Variants in SLC12A8 observed in about 807,000 individuals in gnomAD.
SLC12A8 encodes cation-chloride cotransporter 9.
SLC12A8 carries 69 observed loss-of-function variants against 75.6 expected under a neutral mutation model. The observed-to-expected ratio is 0.91, with a 90% confidence interval of 0.75 to 1.11. The LOEUF (loss-of-function observed/expected upper bound fraction) is 1.11, where lower values mean the gene tolerates loss of function less well. SLC12A8 is among the 50% of genes most tolerant of loss of function. The probability of loss-of-function intolerance (pLI) is 0.00; values close to 1 mark genes in which losing one functional copy is unlikely to be tolerated. For synonymous variants in SLC12A8, 365 were observed against 372.8 expected, an observed-to-expected ratio of 0.98 and a Z score of 0.24; for missense variants, 877 against 896.7, an observed-to-expected ratio of 0.98 and a Z score of 0.28.
intron 4 of SLC12A8, among the ~76,000 whole-genome samples, chr3:125,184,236 G>A (rs180826362): frequency 6.6e-6 from 1 of 151,840 alleles, no homozygotes; most frequent in Non-Finnish European, 1.5e-5. Flanking sequence ...CTCCCAAAGT[G>A]CTGGGATTAC....
intron 6 of SLC12A8, among the ~76,000 whole-genome samples, chr3:125,130,989 C>T (rs1933342022): frequency 6.6e-6 from 1 of 152,226 alleles, no homozygotes; most frequent in Non-Finnish European, 1.5e-5. Context: ...GCCCAGGGGT[C>T]TTCACTCAGT....
At position 125,211,281 on chromosome 3, in the gene SLC12A8, G is replaced by A. The variant is rs1323265364; in HGVS notation, c.51+18C>T. 6.2e-7 allele frequency: 1 copy of A among 1,611,126 alleles called. No individual in the cohort carries two copies. The highest frequency in any genetic ancestry group is 2.2e-5 in the East Asian group (1 of 44,870). On this transcript the variant is annotated intron_variant, in intron 2 of 13. Coordinates refer to ENST00000469902, the MANE Select transcript of SLC12A8 (RefSeq NM_024628.6). ...CTCACAGGCCTCCATCACAGACCCT[G>A]GCACATCCTGAGCCTACCTGCTGGG... is the stretch of plus-strand genomic sequence containing the variant.
chr3:125,108,079 C>T lies in SLC12A8; in HGVS notation c.1107G>A (p.Leu369=). The T allele has an allele frequency of 6.2e-7, 1 of 1,614,172 alleles. No homozygotes were observed. Among genetic ancestry groups the T allele is most frequent in the Non-Finnish European group, 8.5e-7 (1 of 1,180,022 alleles). ...TPVAAICLTS[L]VTMAFVFVGQ... Reference sequence around the variant, plus strand: ...CCACAAAAACAAAGGCCATGGTCACCAAGCTGGTCAGGCAGATGGCAGCCA... The same window carrying T: ...CCACAAAAACAAAGGCCATGGTCACTAAGCTGGTCAGGCAGATGGCAGCCA... The change falls in exon 10 of 14, where the codon TTG becomes TTA. Residue 369 remains leucine, a synonymous_variant. Transcript: ENST00000469902.
chr3:125,088,344 G>C lies in SLC12A8; in HGVS notation c.1948C>G (p.Arg650Gly), dbSNP rs199860299. 6.2e-7 allele frequency: 1 copy of C among 1,614,104 alleles called. No individual in the cohort carries two copies. The highest frequency in any genetic ancestry group is 1.1e-5 in the South Asian group (1 of 91,080). ...GGGAGCAAGAGAGACCTCATCCACC[G>C]GAAAAAGCTGAAGTTGGAGGCTGAT... ...LGSASNFSFF[R>G]WMRSLLLPSC... Residue 650 changes from arginine (R) to glycine (G), a missense_variant, in exon 13 of 14, where the codon CGG (arginine) becomes GGG (glycine). By Grantham distance (125) the Arg-to-Gly change is moderately radical (BLOSUM62 -2). Coordinates refer to ENST00000469902, the MANE Select transcript of SLC12A8 (RefSeq NM_024628.6).
intron 4 of SLC12A8, among the ~76,000 whole-genome samples, chr3:125,186,684 C>A (rs994537996): frequency 6.6e-6 from 1 of 152,242 alleles, no homozygotes; most frequent in Non-Finnish European, 1.5e-5. Context: ...GGAGTGCCTC[C>A]GTCCATTCTG....
At chr3:125,129,358 T>C (rs894117165) in intron 6 of SLC12A8, among the ~76,000 whole-genome samples, 12 of 151,970 alleles carry the variant, frequency 7.9e-5, no homozygotes, top group Non-Finnish European at 8.8e-5. Context: ...GGAGAAGGAA[T>C]GCACTTTGAG....
intron 5 of SLC12A8, among the ~76,000 whole-genome samples, chr3:125,154,313 T>C (rs1933999481): frequency 6.6e-6 from 1 of 152,202 alleles, no homozygotes; most frequent in Admixed American, 6.5e-5. Context: ...CCCCAGCAGC[T>C]GGAAACAATG....
chr3:125,085,864 G>A (rs1043483101), intron 13 of SLC12A8, among the ~76,000 whole-genome samples: 1 of 151,758 alleles, frequency 6.6e-6, no homozygotes, highest in Non-Finnish European at 1.5e-5. Context: ...GTATGAGCCA[G>A]TGCATCTGAC....
At chr3:125,128,471 C>A (rs1396262522) in intron 6 of SLC12A8, among the ~76,000 whole-genome samples, 1 of 134,594 alleles carries the variant, frequency 7.4e-6, no homozygotes. Flanking sequence ...TGAGCCACCG[C>A]GCCCGGCCTT....
At chr3:125,131,761 TA>T (rs1454524739) in intron 6 of SLC12A8, among the ~76,000 whole-genome samples, 1 of 152,180 alleles carries the variant, frequency 6.6e-6, no homozygotes, top group Non-Finnish European at 1.5e-5. Context: ...TGTAAATGCA[TA>T]GGTCACACAC....
intron 5 of SLC12A8, among the ~76,000 whole-genome samples, chr3:125,143,499 G>A (rs1245030015): frequency 6.6e-6 from 1 of 152,256 alleles, no homozygotes; most frequent in Non-Finnish European, 1.5e-5. Flanking sequence ...CCTGCAAAGA[G>A]AGGGTGGAGA....
In SLC12A8 at chr3:125,121,203, T is replaced by C. The variant is rs565935766; in HGVS notation, c.737-517A>G. The stretch of plus-strand genomic sequence containing the variant: ...TAAACTCCAAAAAAACCAATCCTGA[T>C]GCCACTGACATGGAGTCACAAGCTC... On this transcript the variant is annotated intron_variant, in intron 6 of 13. Transcript: ENST00000469902. Among the ~76,000 whole-genome samples the C allele has an allele frequency of 3.9e-5, 6 of 152,332 alleles. No individual in the cohort carries two copies. In the East Asian group the frequency reaches 5.8e-4, roughly 15 times the overall value.
At chr3:125,097,636 G>T (rs892479466) in intron 10 of SLC12A8, among the ~76,000 whole-genome samples, 1 of 151,216 alleles carries the variant, frequency 6.6e-6, no homozygotes, top group African/African-American at 2.4e-5. Flanking sequence ...CAGCCACAAT[G>T]CTGTTTTATA....
At chr3:125,098,624 CACTT>C (rs1938781626) in intron 10 of SLC12A8, among the ~76,000 whole-genome samples, 1 of 151,232 alleles carries the variant, frequency 6.6e-6, no homozygotes, top group Non-Finnish European at 1.5e-5. Context: ...TAGTCCAAAA[CACTT>C]ACTTCAGAGC....
At chr3:125,210,886 T>C (rs1935324555) in intron 2 of SLC12A8, among the ~76,000 whole-genome samples, 1 of 151,882 alleles carries the variant, frequency 6.6e-6, no homozygotes, top group Non-Finnish European at 1.5e-5. Context: ...GAAAAAAAAA[T>C]AGCAAACACC....
intron 8 of SLC12A8, among the ~76,000 whole-genome samples, chr3:125,114,861 C>T (rs1021797150): frequency 5.9e-5 from 9 of 152,238 alleles, no homozygotes; most frequent in Non-Finnish European, 7.4e-5. Flanking sequence ...GGACTGTATA[C>T]GAGTTTATTC....
chr3:125,095,597 C>G (rs1337745023), intron 10 of SLC12A8, among the ~76,000 whole-genome samples: 2 of 152,214 alleles, frequency 1.3e-5, no homozygotes, highest in Non-Finnish European at 2.9e-5. Context: ...TGAACAGAAG[C>G]AGTGAGTGCC....
At chr3:125,191,030 G>C (rs886458257) in intron 2 of SLC12A8, among the ~76,000 whole-genome samples, 1 of 152,190 alleles carries the variant, frequency 6.6e-6, no homozygotes, top group Non-Finnish European at 1.5e-5. Flanking sequence ...TCCGGCAGTT[G>C]ACATTTGGCC....
chr3:125,183,394 GA>G (rs2107791845), intron 4 of SLC12A8, among the ~76,000 whole-genome samples: 1 of 152,144 alleles, frequency 6.6e-6, no homozygotes, highest in African/African-American at 2.4e-5. Flanking sequence ...CCATTTTAAA[GA>G]GAGAAGGTGG....
Sources: allele counts gnomAD v4.1 joint callset (sites outside exome capture counted in the v4.1 genomes callset), GRCh38; gene constraint gnomAD v4.1.1; transcripts MANE v1.5; gene names NCBI Gene and HGNC (gene_info 2026-07-23, HGNC 2026-07-21).